The following CACNA2D1 variants were observed in gnomAD, a reference collection of about 807,000 sequenced individuals.
The protein encoded by CACNA2D1 is calcium voltage-gated channel auxiliary subunit alpha2delta 1, also known as voltage-dependent calcium channel subunit alpha-2/delta-1.
Under a neutral mutation model 171.5 loss-of-function variants are expected in CACNA2D1, and 53 were observed. That is an observed-to-expected ratio of 0.31 (90% confidence interval 0.25 to 0.39). CACNA2D1 has a LOEUF of 0.39. Among genes scored for constraint, CACNA2D1 ranks in the 10% least tolerant of loss-of-function variants. CACNA2D1 has a pLI of 1.00. For missense variants in CACNA2D1, 903 were observed against 1,299.8 expected, an observed-to-expected ratio of 0.69 and a Z score of 4.69; for synonymous variants, 442 against 443.1, an observed-to-expected ratio of 1.00 and a Z score of 0.03.
intron 1 of CACNA2D1, among the ~76,000 whole-genome samples, chr7:82,405,986 C>T (rs1189591307): frequency 6.6e-6 from 1 of 152,042 alleles, no homozygotes; most frequent in Non-Finnish European, 1.5e-5. Context: ...GTGTGCTGCA[C>T]CCATTAACTC....
intron 1 of CACNA2D1, among the ~76,000 whole-genome samples, chr7:82,426,178 AATAC>A (rs201260299): frequency 0.24 from 24,489 of 102,584 alleles, 2,559 homozygotes; most frequent in African/African-American, 0.4. Flanking sequence ...TAAATAAATA[AATAC>A]ATAAATTCTA....
chr7:82,356,737 A>G (rs1051813490), intron 1 of CACNA2D1, among the ~76,000 whole-genome samples: 1 of 152,062 alleles, frequency 6.6e-6, no homozygotes, highest in African/African-American at 2.4e-5. Flanking sequence ...AAAAAAATGA[A>G]CTGCTGGACC....
Position 82,150,603 on chromosome 7 carries a change from T to G in CACNA2D1, c.355-13927A>C, listed in dbSNP as rs531784521. Among the ~76,000 whole-genome samples the G allele has an allele frequency of 9.2e-5, 14 of 152,134 alleles. No homozygotes were observed. In the South Asian group the frequency reaches 2.9e-3, roughly 32 times the overall value. ...AGGATAGATGTTTGCAATAGAAACA[T>G]CCACAAACTAACCTAAATCAACCCC... is the stretch of plus-strand genomic sequence containing the variant. On this transcript the variant is annotated intron_variant, in intron 4 of 38. Transcript: ENST00000356860.
intron 4 of CACNA2D1, among the ~76,000 whole-genome samples, chr7:82,168,790 C>A (rs1795727176): frequency 6.6e-6 from 1 of 151,976 alleles, no homozygotes; most frequent in African/African-American, 2.4e-5. Flanking sequence ...AAAGTGAAAA[C>A]AACATACAAC....
intron 24 of CACNA2D1, among the ~76,000 whole-genome samples, chr7:81,981,683 CA>C (rs1796457540): frequency 6.6e-6 from 1 of 151,834 alleles, no homozygotes; most frequent in Non-Finnish European, 1.5e-5. Context: ...GAATAGGAGT[CA>C]AAAACTGAGG....
chr7:82,357,946 C>G (rs576383747), intron 1 of CACNA2D1, among the ~76,000 whole-genome samples: 1 of 151,820 alleles, frequency 6.6e-6, no homozygotes, highest in East Asian at 1.9e-4. Context: ...CACTCGGAGC[C>G]CTATCCTAAG....
chr7:82,009,047 C>A (rs1004600505), intron 15 of CACNA2D1: 1 of 152,102 alleles, frequency 6.6e-6, no homozygotes, highest in Non-Finnish European at 1.5e-5. Context: ...TTCCCATAAT[C>A]CCCACGTGTT....
intron 3 of CACNA2D1, among the ~76,000 whole-genome samples, chr7:82,302,925 G>A (rs1813207530): frequency 6.6e-6 from 1 of 152,182 alleles, no homozygotes. Flanking sequence ...CACAAAAGAA[G>A]AGTTAACATA....
chr7:82,374,730 A>C (rs529102101), intron 1 of CACNA2D1, among the ~76,000 whole-genome samples: 1 of 152,156 alleles, frequency 6.6e-6, no homozygotes, highest in African/African-American at 2.4e-5. Context: ...GTAAAAACAA[A>C]GCACATACCT....
intron 10 of CACNA2D1, among the ~76,000 whole-genome samples, 200 bp downstream of exon 10, chr7:82,060,227 AT>A (rs1562982602): frequency 1.5e-5 from 1 of 68,304 alleles, no homozygotes; most frequent in African/African-American, 4.8e-5. Context: ...TATATAATAT[AT>A]ATATATAATA....
intron 1 of CACNA2D1, among the ~76,000 whole-genome samples, chr7:82,381,824 G>A (rs1330130609): frequency 6.6e-6 from 1 of 152,148 alleles, no homozygotes; most frequent in Non-Finnish European, 1.5e-5. Context: ...TAATAGCTAT[G>A]TAACATCCAT....
At chr7:81,961,734 T>C (rs934128449) in intron 36 of CACNA2D1, among the ~76,000 whole-genome samples, 160 bp downstream of exon 36, 4 of 152,028 alleles carry the variant, frequency 2.6e-5, no homozygotes, top group Non-Finnish European at 4.4e-5. Flanking sequence ...TAAAGATTGC[T>C]GACATTTTCA....
chr7:82,081,296 A>C (rs950957420), intron 7 of CACNA2D1, among the ~76,000 whole-genome samples: 3 of 152,188 alleles, frequency 2.0e-5, no homozygotes, highest in East Asian at 1.9e-4. Context: ...TAGTCTCCCC[A>C]AAAATTTTTT....
chr7:82,209,037 T>C (rs1800294979), intron 3 of CACNA2D1, among the ~76,000 whole-genome samples: 2 of 152,198 alleles, frequency 1.3e-5, no homozygotes, highest in African/African-American at 4.8e-5. Flanking sequence ...GCCTTACAAA[T>C]ATAATTTCCC....
At chr7:82,059,797 C>G (rs1806386813) in intron 10 of CACNA2D1, among the ~76,000 whole-genome samples, 1 of 150,486 alleles carries the variant, frequency 6.6e-6, no homozygotes, top group South Asian at 2.1e-4. Flanking sequence ...ACATATACAC[C>G]ATGGAATACT....
intron 18 of CACNA2D1, among the ~76,000 whole-genome samples, chr7:82,002,476 C>A (rs143448294): frequency 1.3e-5 from 2 of 152,232 alleles, no homozygotes; most frequent in East Asian, 3.9e-4. Context: ...AAAGTTTTAA[C>A]GTTTCATATT....
At chr7:82,186,562 C>G (rs946230961) in intron 3 of CACNA2D1, among the ~76,000 whole-genome samples, 1 of 152,088 alleles carries the variant, frequency 6.6e-6, no homozygotes, top group Non-Finnish European at 1.5e-5. Context: ...CAGAAACACC[C>G]CAGACCTGAC....
rs1799042054 is a variant in CACNA2D1, at chr7:82,005,608, A to T, written c.1516-111T>A. On this transcript the variant is annotated intron_variant, in intron 17 of 38. Coordinates refer to ENST00000356860, the MANE Select transcript of CACNA2D1 (RefSeq NM_000722.4). ...TACACATTGTATAGCATGTTGAAAG[A>T]TAACATGGAATCATTTTATTTTAGA... The T allele has an allele frequency of 5.8e-6, 5 of 855,990 alleles. No individual in the cohort carries two copies. In the Admixed American group the frequency reaches 1.1e-4, roughly 18 times the overall value. The allele number at this position is 855,990 out of a possible 1,614,324, so 53.0% of individuals were successfully genotyped here.
chr7:82,192,643 T>C (rs1260923970), intron 3 of CACNA2D1, among the ~76,000 whole-genome samples: 1 of 151,694 alleles, frequency 6.6e-6, no homozygotes, highest in Non-Finnish European at 1.5e-5. Flanking sequence ...AAATGAACTC[T>C]CTTTGACTGA....
Sources: allele counts gnomAD v4.1 joint callset (sites outside exome capture counted in the v4.1 genomes callset), GRCh38; gene constraint gnomAD v4.1.1; transcripts MANE v1.5; gene names NCBI Gene and HGNC (gene_info 2026-07-23, HGNC 2026-07-21).